The following CD96 variants were observed in gnomAD, a reference collection of about 807,000 sequenced individuals.
CD96 encodes the protein T-cell surface protein tactile.
Under a neutral mutation model 71.3 loss-of-function variants are expected in CD96, and 70 were observed. The ratio of observed to expected loss-of-function variants is 0.98; its 90% CI spans 0.81 to 1.20. The LOEUF (loss-of-function observed/expected upper bound fraction) is 1.20. Ranked by LOEUF, CD96 falls within the 50% of genes most tolerant of loss-of-function variation. The pLI is 0.00. For missense variants in CD96, 742 were observed against 677.5 expected (o/e 1.10, Z -1.06); for synonymous variants, 248 against 233.0 (o/e 1.06, Z -0.59).
At chr3:111,654,987 C>G (rs1405475413), downstream of CD96, among the ~76,000 whole-genome samples, 2 of 152,228 alleles carry the variant, frequency 1.3e-5, no homozygotes, top group Non-Finnish European at 2.9e-5. Flanking sequence ...TCTGCATTTT[C>G]TCTCTTCAAA....
intron 5 of CD96, among the ~76,000 whole-genome samples, chr3:111,591,371 TAAAAAAAAAAAA>T (rs3082283): frequency 2.3e-5 from 2 of 88,108 alleles, no homozygotes; most frequent in African/African-American, 4.6e-5. Flanking sequence ...GACTCCATCT[TAAAAAAAAAAAA>T]AAAAAAAAAA....
intron 14 of CD96, among the ~76,000 whole-genome samples, chr3:111,665,215 T>C (rs1404665459): frequency 6.6e-6 from 1 of 151,946 alleles, no homozygotes; most frequent in Non-Finnish European, 1.5e-5. Flanking sequence ...GTGTGTCTTT[T>C]AATATTTTTA....
At chr3:111,642,267 A>G (rs1335449284) in intron 12 of CD96, among the ~76,000 whole-genome samples, 1 of 152,224 alleles carries the variant, frequency 6.6e-6, no homozygotes, top group Non-Finnish European at 1.5e-5. Context: ...CCAAGAAAAG[A>G]AGAGAGAAAA....
At chr3:111,562,472 G>T (rs1295663448) in intron 2 of CD96, among the ~76,000 whole-genome samples, 2 of 152,058 alleles carry the variant, frequency 1.3e-5, no homozygotes, top group Non-Finnish European at 2.9e-5. Flanking sequence ...TTTCATTTTA[G>T]TAACTTATCT....
chr3:111,630,489 C>G (rs1158298348), intron 10 of CD96, among the ~76,000 whole-genome samples: 2 of 152,118 alleles, frequency 1.3e-5, no homozygotes, highest in Non-Finnish European at 2.9e-5. Flanking sequence ...AGACCAATAA[C>G]AAGTTCTGAA....
intron 2 of CD96, among the ~76,000 whole-genome samples, chr3:111,555,533 G>T (rs1435520615): frequency 6.6e-6 from 1 of 152,284 alleles, no homozygotes; most frequent in Non-Finnish European, 1.5e-5. Context: ...TCTTTCGATC[G>T]CCATTATTTC....
At chr3:111,658,329 A>T (rs140057305) in intron 14 of CD96, among the ~76,000 whole-genome samples, 1 of 152,192 alleles carries the variant, frequency 6.6e-6, no homozygotes, top group South Asian at 2.1e-4. Flanking sequence ...AGTGATAGCT[A>T]TATAGATAGG....
intron 5 of CD96, among the ~76,000 whole-genome samples, chr3:111,592,316 A>G (rs1345327116): frequency 1.3e-5 from 2 of 152,202 alleles, no homozygotes; most frequent in Non-Finnish European, 2.9e-5. Flanking sequence ...TCTTTTTTCA[A>G]AGCATCTCTG....
At chr3:111,615,633 A>T (rs1414309965) in intron 8 of CD96, among the ~76,000 whole-genome samples, 1 of 152,164 alleles carries the variant, frequency 6.6e-6, no homozygotes, top group Non-Finnish European at 1.5e-5. Context: ...AATAAAAATA[A>T]TCTAGGTTTA....
chr3:111,545,158 G>C lies in CD96; in HGVS notation c.174G>C (p.Trp58Cys), dbSNP rs1934324253. The C allele has an allele frequency of 6.2e-7, 1 of 1,614,174 alleles. No individual in the cohort carries two copies. The highest frequency in any genetic ancestry group is 8.5e-7 in the Non-Finnish European group (1 of 1,180,024). The change falls in exon 2 of 14, where the codon TGG (tryptophan) becomes TGC (cysteine). Residue 58 changes from tryptophan to cysteine, a missense_variant. Coordinates refer to ENST00000352690, the MANE Select transcript of CD96 (RefSeq NM_005816.5). The part of the protein sequence containing the change: ...QTVGFFVQMQ[W>C]SKVTNKIDLI... ...TAGGCTTCTTCGTGCAGATGCAATG[G>C]TCCAAGGTCACCAATAAGATAGACC...
intron 8 of CD96, among the ~76,000 whole-genome samples, chr3:111,617,190 G>A (rs1938284614): frequency 6.6e-6 from 1 of 152,226 alleles, no homozygotes; most frequent in Non-Finnish European, 1.5e-5. Flanking sequence ...GGTGCAAACA[G>A]CCTGGGCTAT....
intron 7 of CD96, among the ~76,000 whole-genome samples, chr3:111,603,564 G>A (rs772653684): frequency 3.3e-5 from 5 of 152,214 alleles, no homozygotes; most frequent in Admixed American, 1.3e-4. Flanking sequence ...TTGGGGAGTG[G>A]ATAGGAGACA....
At chr3:111,550,273 C>T (rs1280488699) in intron 2 of CD96, among the ~76,000 whole-genome samples, 1 of 152,034 alleles carries the variant, frequency 6.6e-6, no homozygotes, top group African/African-American at 2.4e-5. Context: ...GGAAGTCAGG[C>T]TGGAGGGAGA....
chr3:111,542,395 G>GCTGCTGAAATTGATCACCA (rs3832264), intron 1 of CD96, 86 bp downstream of exon 1: 475,657 of 815,426 alleles, frequency 0.58, 150,081 homozygotes, highest in Middle Eastern at 0.66. Flanking sequence ...CCTTGTGACT[G>GCTGCTGAAATTGATCACCA]CTGCTGAAAT....
chr3:111,603,338 G>A lies in CD96; in HGVS notation c.1087+2424G>A, dbSNP rs117045427. Among the ~76,000 whole-genome samples the A allele has an allele frequency of 6.0e-4, 91 of 152,098 alleles. No homozygotes were observed. In the East Asian group the frequency reaches 0.015, roughly 25 times the overall value. On this transcript the variant is annotated intron_variant, in intron 7 of 13. Coordinates refer to ENST00000352690, the MANE Select transcript of CD96 (RefSeq NM_005816.5). ...GCACATCATTAGTCCCTGTTACCTC[G>A]GGAGGCTGAGGTGGGAGGATTGCAT...
intron 11 of CD96, 111 bp from the exon 12 acceptor site, chr3:111,637,968 T>C (rs1306302327): frequency 1.3e-6 from 1 of 769,440 alleles, no homozygotes; most frequent in African/African-American, 1.7e-5. Flanking sequence ...TAAGGGATAC[T>C]TAGACAATTT....
At chr3:111,613,745 G>A (rs1163319647) in intron 8 of CD96, among the ~76,000 whole-genome samples, 3 of 152,136 alleles carry the variant, frequency 2.0e-5, no homozygotes, top group African/African-American at 4.8e-5. Context: ...TAGAATGAAA[G>A]GCCCAATGGA....
intron 6 of CD96, among the ~76,000 whole-genome samples, 186 bp from the exon 7 acceptor site, chr3:111,600,540 A>C (rs1034471625): frequency 1.3e-5 from 2 of 152,198 alleles, no homozygotes; most frequent in Non-Finnish European, 2.9e-5. Context: ...AATGACATGC[A>C]GGAGCTTGAG....
intron 8 of CD96, among the ~76,000 whole-genome samples, chr3:111,612,354 AG>A (rs934861440): frequency 6.6e-6 from 1 of 152,210 alleles, no homozygotes; most frequent in African/African-American, 2.4e-5. Context: ...GGGACTAAAA[AG>A]GTTTTCAGAG....
Sources: gnomAD v4.1 joint callset for allele counts (sites outside exome capture counted in the v4.1 genomes callset) on GRCh38, gnomAD v4.1.1 for gene constraint, MANE v1.5 for transcripts, NCBI Gene and HGNC (gene_info 2026-07-23, HGNC 2026-07-21) for gene names.